Variants in PRDM16 observed in about 807,000 individuals in gnomAD.
PRDM16 encodes histone-lysine N-methyltransferase PRDM16.
Under a neutral mutation model 110.6 loss-of-function variants are expected in PRDM16, and 23 were observed. That is an observed-to-expected ratio of 0.21 (90% confidence interval 0.15 to 0.29). PRDM16 has a LOEUF of 0.29. Among genes scored for constraint, PRDM16 ranks in the 10% least tolerant of loss-of-function variants. The pLI is 1.00. For missense variants in PRDM16, 1,615 were observed against 1,794.3 expected (o/e 0.90, Z 1.81); for synonymous variants, 799 against 781.8 (o/e 1.02, Z -0.37).
intron 1 of PRDM16, among the ~76,000 whole-genome samples, chr1:3,092,120 A>ATAG (rs1642291387): frequency 9.5e-6 from 1 of 105,364 alleles, no homozygotes. Context: ...GCACTGCTGC[A>ATAG]TGCTTGGTGT....
chr1:3,101,868 G>A (rs1159839430), intron 1 of PRDM16, among the ~76,000 whole-genome samples: 3 of 152,166 alleles, frequency 2.0e-5, no homozygotes, highest in South Asian at 2.1e-4. Flanking sequence ...TCCCCCACCC[G>A]GAGACCCCCA....
At chr1:3,168,886 C>A (rs905494170) in intron 1 of PRDM16, among the ~76,000 whole-genome samples, 3 of 152,186 alleles carry the variant, frequency 2.0e-5, no homozygotes, top group African/African-American at 7.2e-5. Flanking sequence ...GCCTACCGAG[C>A]CTACTCCTGG....
intron 3 of PRDM16, among the ~76,000 whole-genome samples, chr1:3,286,524 A>G (rs1189363242): frequency 6.6e-6 from 1 of 152,042 alleles, no homozygotes; most frequent in Non-Finnish European, 1.5e-5. Context: ...ACTGGACCCA[A>G]CCGAGCCTGC....
chr1:3,411,054 A>G (rs1432391437), intron 8 of PRDM16, among the ~76,000 whole-genome samples: 1 of 148,640 alleles, frequency 6.7e-6, no homozygotes, highest in Non-Finnish European at 1.5e-5. Flanking sequence ...GCATGCACAC[A>G]CACATATGTT....
At chr1:3,198,913 T>C (rs1190062194) in intron 2 of PRDM16, among the ~76,000 whole-genome samples, 1 of 152,210 alleles carries the variant, frequency 6.6e-6, no homozygotes, top group African/African-American at 2.4e-5. Context: ...CATTCCGGCT[T>C]ATCAGCACCG....
chr1:3,329,222 G>A (rs1011271381), intron 3 of PRDM16, among the ~76,000 whole-genome samples: 3 of 152,198 alleles, frequency 2.0e-5, no homozygotes, highest in South Asian at 2.1e-4. Context: ...GCTGCCCAGC[G>A]GGCATGGTGG....
chr1:3,316,942 G>C (rs1036209267), intron 3 of PRDM16, among the ~76,000 whole-genome samples: 1 of 152,186 alleles, frequency 6.6e-6, no homozygotes, highest in Admixed American at 6.5e-5. Context: ...GAGGTCGCCA[G>C]AAAACATTGA....
chr1:3,343,842 C>G (rs1000047847), intron 3 of PRDM16, among the ~76,000 whole-genome samples: 2 of 152,158 alleles, frequency 1.3e-5, no homozygotes, highest in African/African-American at 2.4e-5. Flanking sequence ...AGGCTTTCAC[C>G]ATGTTAGCCA....
chr1:3,296,226 C>T (rs535119676), intron 3 of PRDM16, among the ~76,000 whole-genome samples: 10 of 152,312 alleles, frequency 6.6e-5, no homozygotes, highest in South Asian at 4.1e-4. Context: ...GTGAGGCACA[C>T]GACCAGTGCC....
At chr1:3,318,145 GT>G (rs140970102) in intron 3 of PRDM16, among the ~76,000 whole-genome samples, 4,870 of 151,748 alleles carry the variant, frequency 0.032, 312 homozygotes, top group East Asian at 0.24. Flanking sequence ...TTTACTGCAA[GT>G]TTTTTTTTGT....
intron 1 of PRDM16, among the ~76,000 whole-genome samples, chr1:3,119,835 G>T (rs1482073062): frequency 6.6e-6 from 1 of 152,218 alleles, no homozygotes; most frequent in African/African-American, 2.4e-5. Context: ...ATTGTCCCCT[G>T]CTCAGCAGCT....
intron 3 of PRDM16, among the ~76,000 whole-genome samples, chr1:3,338,889 G>T (rs1199683761): frequency 6.6e-6 from 1 of 152,244 alleles, no homozygotes; most frequent in Non-Finnish European, 1.5e-5. Context: ...GCAGAGAAAG[G>T]GCTGTCTGAT....
chr1:3,272,546 G>A (rs1331677007), intron 3 of PRDM16, among the ~76,000 whole-genome samples: 3 of 152,288 alleles, frequency 2.0e-5, no homozygotes, highest in South Asian at 2.1e-4. Context: ...GCCTCCTGGG[G>A]CTCCATTCTC....
At chr1:3,247,096 T>A (rs1639807022) in intron 3 of PRDM16, among the ~76,000 whole-genome samples, 1 of 152,060 alleles carries the variant, frequency 6.6e-6, no homozygotes, top group Non-Finnish European at 1.5e-5. Context: ...GTAGTTTGGG[T>A]CACCCAAAGG....
At chr1:3,391,489 CAAGG>C (rs1643299790) in intron 4 of PRDM16, among the ~76,000 whole-genome samples, 1 of 152,180 alleles carries the variant, frequency 6.6e-6, no homozygotes, top group African/African-American at 2.4e-5. Flanking sequence ...TAAGAATGAT[CAAGG>C]TAATTTAACT....
intron 3 of PRDM16, among the ~76,000 whole-genome samples, chr1:3,289,555 G>A (rs1640926724): frequency 6.6e-6 from 1 of 152,230 alleles, no homozygotes; most frequent in Non-Finnish European, 1.5e-5. Context: ...AGGAAGCCCA[G>A]TCCCAGTGCC....
chr1:3,148,642 T>G lies in PRDM16; in HGVS notation c.38-37483T>G, dbSNP rs1392637121. On this transcript the variant is annotated intron_variant, in intron 1 of 16. Transcript: ENST00000270722. This position sits in a 1 kb window ranked among gnomAD's most constrained non-coding sequence, Gnocchi z 5.0. ...CTCAGATCCCATCTCAGGTGGGCGG[T>G]GACTTGTCCTGGCCGAGCCAGCCCA... Among the ~76,000 whole-genome samples, 2 of 152,192 alleles carry G rather than the reference T, an allele frequency of 1.3e-5. No homozygotes were observed. The highest frequency in any genetic ancestry group is 4.8e-5 in the African/African-American group (2 of 41,440).
In PRDM16 at chr1:3,304,639, T is replaced by C. The variant is rs58038343; in HGVS notation, c.438+60502T>C. Among the ~76,000 whole-genome samples, 1,196 of 152,256 alleles carry C rather than the reference T, an allele frequency of 7.9e-3. 16 individuals carry two copies. The highest frequency in any genetic ancestry group is 0.027 in the African/African-American group (1,135 of 41,550). On this transcript the variant is annotated intron_variant, in intron 3 of 16. Coordinates refer to ENST00000270722, the MANE Select transcript of PRDM16 (RefSeq NM_022114.4). ...GAGTGCATTGCTTTATGTCCCCACATAGGTTTTTTGTGTGCATTGATGACA... is the reference window on the plus strand; with the variant it reads ...GAGTGCATTGCTTTATGTCCCCACACAGGTTTTTTGTGTGCATTGATGACA...
intron 9 of PRDM16, 81 bp downstream of exon 9, chr1:3,412,881 C>A: frequency 8.7e-7 from 1 of 1,155,912 alleles, no homozygotes; most frequent in Non-Finnish European, 1.2e-6. Context: ...ATGGTGGTGT[C>A]TCTTTCAAGC....
Sources: allele counts gnomAD v4.1 joint callset (sites outside exome capture counted in the v4.1 genomes callset), GRCh38; gene constraint gnomAD v4.1.1; non-coding constraint Gnocchi (gnomAD v3.1); transcripts MANE v1.5; gene names NCBI Gene and HGNC (gene_info 2026-07-23, HGNC 2026-07-21).